The following C8orf34 variants were observed in gnomAD, a reference collection of about 807,000 sequenced individuals.
C8orf34 encodes chromosome 8 open reading frame 34.
C8orf34 carries 65 observed loss-of-function variants against 68.3 expected under a neutral mutation model. The ratio of observed to expected loss-of-function variants is 0.95; its 90% CI spans 0.78 to 1.17. The LOEUF (loss-of-function observed/expected upper bound fraction) is 1.17. Ranked by LOEUF, C8orf34 falls within the 50% of genes most tolerant of loss-of-function variation. The probability of loss-of-function intolerance (pLI) is 0.00; values close to 1 mark genes in which losing one functional copy is unlikely to be tolerated. For synonymous variants in C8orf34, 244 were observed against 241.2 expected (o/e 1.01, Z -0.11); for missense variants, 664 against 655.4 (o/e 1.01, Z -0.14).
At chr8:68,352,365 C>T (rs560061862) in intron 1 of C8orf34, among the ~76,000 whole-genome samples, 20 of 152,084 alleles carry the variant, frequency 1.3e-4, no homozygotes, top group African/African-American at 2.7e-4. Context: ...AAGCAAATCA[C>T]GGAAACTGGA....
intron 2 of C8orf34, among the ~76,000 whole-genome samples, chr8:68,444,302 C>G (rs1811033780): frequency 1.3e-5 from 2 of 151,936 alleles, no homozygotes; most frequent in South Asian, 4.2e-4. Context: ...TAGCCTATCT[C>G]CTCTCTAATT....
chr8:68,350,632 A>G (rs1348413731), intron 1 of C8orf34, among the ~76,000 whole-genome samples: 3 of 152,102 alleles, frequency 2.0e-5, no homozygotes, highest in African/African-American at 7.2e-5. Flanking sequence ...GTGTGCATAT[A>G]TATTTAGGAT....
intron 11 of C8orf34, among the ~76,000 whole-genome samples, chr8:68,776,983 G>A (rs547078320): frequency 6.6e-6 from 1 of 152,344 alleles, no homozygotes; most frequent in South Asian, 2.1e-4. Flanking sequence ...GGTGTTCTGT[G>A]CCATGGAACT....
chr8:68,361,486 G>A (rs1327140425), intron 1 of C8orf34, among the ~76,000 whole-genome samples: 1 of 152,158 alleles, frequency 6.6e-6, no homozygotes, highest in East Asian at 1.9e-4. Flanking sequence ...GGAAGGATCT[G>A]GACATGTGCC....
chr8:68,524,123 C>T (rs561894339), intron 6 of C8orf34, among the ~76,000 whole-genome samples: 131 of 152,302 alleles, frequency 8.6e-4, no homozygotes, highest in African/African-American at 3.1e-3. Flanking sequence ...TTAAGTCTTA[C>T]TCAAATGGCT....
intron 1 of C8orf34, among the ~76,000 whole-genome samples, chr8:68,434,202 G>C (rs564729917): frequency 3.7e-4 from 56 of 152,238 alleles, no homozygotes; most frequent in Middle Eastern, 3.4e-3. Flanking sequence ...AGGTATTCAT[G>C]TGCCGTGGTG....
intron 8 of C8orf34, among the ~76,000 whole-genome samples, chr8:68,697,789 A>T (rs548049308): frequency 2.0e-5 from 3 of 152,054 alleles, no homozygotes; most frequent in African/African-American, 7.2e-5. Context: ...GATTAGGGGA[A>T]CTTTCGTCCA....
intron 8 of C8orf34, among the ~76,000 whole-genome samples, chr8:68,667,631 A>G (rs1211630634): frequency 6.6e-6 from 1 of 152,188 alleles, no homozygotes; most frequent in African/African-American, 2.4e-5. Flanking sequence ...AAATACGTCA[A>G]TGACTATAAT....
intron 5 of C8orf34, among the ~76,000 whole-genome samples, chr8:68,504,682 A>AT (rs563414330): frequency 0.15 from 19,362 of 128,828 alleles, 1,499 homozygotes; most frequent in African/African-American, 0.21. Flanking sequence ...ACCATGCCTA[A>AT]TTTTTTTTTT....
At chr8:68,459,627 C>T (rs918433097) in intron 3 of C8orf34, among the ~76,000 whole-genome samples, 19 of 152,152 alleles carry the variant, frequency 1.2e-4, no homozygotes, top group African/African-American at 4.1e-4. Flanking sequence ...TAAAATAGAA[C>T]CACTATTGAA....
At chr8:68,583,425 T>C (rs1160647642) in intron 7 of C8orf34, among the ~76,000 whole-genome samples, 1 of 152,162 alleles carries the variant, frequency 6.6e-6, no homozygotes, top group Non-Finnish European at 1.5e-5. Context: ...ATAACTACTG[T>C]ATGACAGAGC....
At chr8:68,443,608 A>G (rs1252186768) in intron 2 of C8orf34, among the ~76,000 whole-genome samples, 1 of 151,366 alleles carries the variant, frequency 6.6e-6, no homozygotes, top group African/African-American at 2.4e-5. Flanking sequence ...GGGTTTCACC[A>G]TGTTGGTCAG....
chr8:68,700,855 A>C (rs1396464012), intron 8 of C8orf34, among the ~76,000 whole-genome samples: 3 of 152,156 alleles, frequency 2.0e-5, no homozygotes, highest in Non-Finnish European at 4.4e-5. Flanking sequence ...GGAGAAACAT[A>C]CTGGAATTCT....
rs1224756627 is a variant in C8orf34 at position 68,774,944 on chromosome 8, T to TAAAAAAAAAAAAA, written c.1405-1444_1405-1432dup. On this transcript the variant is annotated intron_variant, in intron 10 of 13. Coordinates refer to ENST00000518698, the MANE Select transcript of C8orf34 (RefSeq NM_052958.4). The stretch of plus-strand genomic sequence containing the variant: ...CAACATGATGAAACCCTGTCTCCAC[T>TAAAAAAAAAAAAA]AAAAAAAAAAAAAAAAAAAAAAATT... Among the ~76,000 whole-genome samples the TAAAAAAAAAAAAA allele has an allele frequency of 4.3e-4, 19 of 44,680 alleles. 1 individual carries two copies. The highest frequency in any genetic ancestry group is 1.9e-3 in the African/African-American group (15 of 8,014). The allele number at this position is 44,680 out of a possible 152,430, so 29.3% of individuals were successfully genotyped here. A position where few individuals can be genotyped will look rare whatever the true frequency, so the allele number is the denominator to read the frequency against.
chr8:68,805,351 T>C (rs1824451342), intron 12 of C8orf34, among the ~76,000 whole-genome samples: 3 of 152,212 alleles, frequency 2.0e-5, no homozygotes, highest in Admixed American at 2.0e-4. Flanking sequence ...GTCCATTAGG[T>C]AGAGGTGGCT....
At chr8:68,815,070 A>G (rs995294607) in intron 12 of C8orf34, among the ~76,000 whole-genome samples, 2 of 152,156 alleles carry the variant, frequency 1.3e-5, no homozygotes, top group African/African-American at 4.8e-5. Flanking sequence ...TAGTGTTCCA[A>G]GAGATGCTGT....
rs764371889 is a variant in C8orf34 at position 68,815,912 on chromosome 8, C to T, written c.1576C>T (p.Pro526Ser). The change falls in exon 13 of 14, where the codon CCA (proline) becomes TCA (serine). Residue 526 changes from proline to serine, a missense_variant. Transcript: ENST00000518698. The part of the protein sequence containing the change: ...KRSADLLLCV[P>S]CSSCPTLVYS... ...TTCCGCTGATCTTCTTCTTTGCGTTCCATGCTCTTCTTGTCCTACGCTGGT... is the reference window on the plus strand; with the variant it reads ...TTCCGCTGATCTTCTTCTTTGCGTTTCATGCTCTTCTTGTCCTACGCTGGT... The T allele has an allele frequency of 6.2e-6, 10 of 1,613,662 alleles. No homozygotes were observed. In the South Asian group the frequency reaches 9.9e-5, roughly 16 times the overall value.
At chr8:68,469,613 A>T (rs572016998) in intron 4 of C8orf34, among the ~76,000 whole-genome samples, 5 of 152,068 alleles carry the variant, frequency 3.3e-5, no homozygotes, top group African/African-American at 9.6e-5. Flanking sequence ...GTATTCCTAC[A>T]TTTTTTTGGT....
At chr8:68,343,871 C>T (rs1040285747) in intron 1 of C8orf34, among the ~76,000 whole-genome samples, 5 of 151,966 alleles carry the variant, frequency 3.3e-5, no homozygotes, top group African/African-American at 1.2e-4. Context: ...GGATTACAGG[C>T]GTGAGCCACC....
Sources: allele counts gnomAD v4.1 joint callset (sites outside exome capture counted in the v4.1 genomes callset), GRCh38; gene constraint gnomAD v4.1.1; transcripts MANE v1.5; gene names NCBI Gene and HGNC (gene_info 2026-07-23, HGNC 2026-07-21).